KCNAB1: variants seen among roughly 807,000 people sequenced by gnomAD.
KCNAB1 encodes voltage-gated potassium channel subunit beta-1.
Under a neutral mutation model 64.6 loss-of-function variants are expected in KCNAB1, and 35 were observed. That is an observed-to-expected ratio of 0.54 (90% CI 0.41 to 0.72). KCNAB1 has a LOEUF of 0.72. Ranked by LOEUF, KCNAB1 falls within the 30% of genes least tolerant of loss-of-function variation. The probability of loss-of-function intolerance (pLI) is 0.00; values close to 1 mark genes in which losing one functional copy is unlikely to be tolerated. For synonymous variants in KCNAB1, 177 were observed against 183.8 expected (o/e 0.96, Z 0.30); for missense variants, 401 against 512.9 (o/e 0.78, Z 2.11).
chr3:156,364,171 T>C (rs1725798451), intron 1 of KCNAB1, among the ~76,000 whole-genome samples: 1 of 150,416 alleles, frequency 6.6e-6, no homozygotes, highest in African/African-American at 2.5e-5. Context: ...AGGTAATCTG[T>C]CCCATTCCTC....
chr3:156,143,453 C>T (rs752736190), intron 1 of KCNAB1: 1 of 1,405,552 alleles, frequency 7.1e-7, no homozygotes, highest in Non-Finnish European at 9.6e-7. Flanking sequence ...CCAACCAGGG[C>T]ACTGCACTGA....
At chr3:156,499,945 C>T (rs1716277860) in intron 8 of KCNAB1, among the ~76,000 whole-genome samples, 1 of 152,160 alleles carries the variant, frequency 6.6e-6, no homozygotes, top group Non-Finnish European at 1.5e-5. Context: ...CCAGCAGCCA[C>T]CCTGCTTTCT....
At chr3:156,492,709 C>G (rs777070174) in intron 8 of KCNAB1, among the ~76,000 whole-genome samples, 1 of 151,878 alleles carries the variant, frequency 6.6e-6, no homozygotes, top group African/African-American at 2.4e-5. Context: ...TGAACTTAAC[C>G]CAAAGTTGAG....
intron 1 of KCNAB1, among the ~76,000 whole-genome samples, chr3:156,331,012 C>T (rs1723294510): frequency 6.6e-6 from 1 of 152,102 alleles, no homozygotes. Flanking sequence ...TCCTTCTCAT[C>T]CTGAGCGTAG....
chr3:156,152,837 A>T (rs1458122269), intron 1 of KCNAB1, among the ~76,000 whole-genome samples: 3 of 152,232 alleles, frequency 2.0e-5, no homozygotes, highest in South Asian at 2.1e-4. Context: ...TCCAGAGATG[A>T]CCATTGTATA....
intron 8 of KCNAB1, among the ~76,000 whole-genome samples, chr3:156,513,959 C>A (rs1384804035): frequency 1.3e-5 from 2 of 152,194 alleles, no homozygotes; most frequent in East Asian, 1.9e-4. Context: ...CCTTCAATGA[C>A]CTTACATTCT....
At chr3:156,507,893 C>G in intron 8 of KCNAB1, among the ~76,000 whole-genome samples, 1 of 151,824 alleles carries the variant, frequency 6.6e-6, no homozygotes, top group East Asian at 1.9e-4. Context: ...TATTATGGGG[C>G]TCTAAAAATA....
At chr3:156,337,203 G>A (rs553178938) in intron 1 of KCNAB1, among the ~76,000 whole-genome samples, 1 of 152,206 alleles carries the variant, frequency 6.6e-6, no homozygotes, top group Non-Finnish European at 1.5e-5. Flanking sequence ...AGTGAGATAA[G>A]TTGGAAATAA....
rs3821422 is a variant in KCNAB1, at chr3:156,417,894, A to G, written c.276-3722A>G. The stretch of plus-strand genomic sequence containing the variant: ...ACAACCTTTGAGCTCTCAAGAAGCT[A>G]TATCCCTTCTCCACATAACTCTTTA... On this transcript the variant is annotated intron_variant, in intron 1 of 13. Transcript: ENST00000490337. Among the ~76,000 whole-genome samples the G allele has an allele frequency of 2.5e-3, 377 of 152,368 alleles. 9 individuals are homozygous for G. In the East Asian group the frequency reaches 0.038, roughly 15 times the overall value.
At chr3:156,211,360 A>T (rs1714991654) in intron 1 of KCNAB1, among the ~76,000 whole-genome samples, 1 of 152,238 alleles carries the variant, frequency 6.6e-6, no homozygotes, top group Non-Finnish European at 1.5e-5. Context: ...TGCAATGGTT[A>T]ATATTTGTAA....
intron 1 of KCNAB1, among the ~76,000 whole-genome samples, chr3:156,228,034 G>C (rs896774242): frequency 1.1e-4 from 17 of 152,176 alleles, no homozygotes; most frequent in African/African-American, 4.1e-4. Flanking sequence ...TTACCTTCTT[G>C]TTGCATACAT....
chr3:156,361,697 C>A (rs1725626359), intron 1 of KCNAB1, among the ~76,000 whole-genome samples: 1 of 152,076 alleles, frequency 6.6e-6, no homozygotes, highest in African/African-American at 2.4e-5. Flanking sequence ...TGGAGTGCAG[C>A]CTAAGCAACA....
intron 1 of KCNAB1, among the ~76,000 whole-genome samples, chr3:156,296,965 G>A (rs1182108977): frequency 6.6e-6 from 1 of 152,110 alleles, no homozygotes; most frequent in East Asian, 1.9e-4. Flanking sequence ...ATATGGTTTG[G>A]TACAATCCAT....
intron 1 of KCNAB1, among the ~76,000 whole-genome samples, chr3:156,126,870 A>G (rs190690187): frequency 2.0e-5 from 3 of 152,366 alleles, no homozygotes; most frequent in Non-Finnish European, 2.9e-5. Context: ...CAGTGGGCAC[A>G]TATAGTAGTA....
chr3:156,223,975 G>A (rs1715971969), intron 1 of KCNAB1, among the ~76,000 whole-genome samples: 2 of 152,248 alleles, frequency 1.3e-5, no homozygotes, highest in Non-Finnish European at 2.9e-5. Context: ...GCGCTCATCA[G>A]GGAGGCTCAG....
chr3:156,534,847 T>G (rs897605770), intron 13 of KCNAB1, among the ~76,000 whole-genome samples: 1 of 152,174 alleles, frequency 6.6e-6, no homozygotes, highest in South Asian at 2.1e-4. Flanking sequence ...TGTTTCAAAG[T>G]GGGGCTTCTC....
intron 1 of KCNAB1, among the ~76,000 whole-genome samples, chr3:156,254,654 A>G (rs560847087): frequency 9.8e-5 from 15 of 152,352 alleles, no homozygotes; most frequent in Non-Finnish European, 1.6e-4. Context: ...CTCACAGTAG[A>G]AAATGTGACC....
intron 1 of KCNAB1, among the ~76,000 whole-genome samples, chr3:156,236,278 T>C (rs530730262): frequency 5.1e-4 from 78 of 152,160 alleles, no homozygotes; most frequent in Non-Finnish European, 8.4e-4. Flanking sequence ...TCCTGCAAAG[T>C]TGCACCTCTG....
intron 2 of KCNAB1, among the ~76,000 whole-genome samples, chr3:156,442,177 GTT>G (rs1455492865): frequency 6.6e-6 from 1 of 152,120 alleles, no homozygotes; most frequent in Non-Finnish European, 1.5e-5. Flanking sequence ...ATTAATTTAA[GTT>G]ACTACATATC....
Sources: allele counts gnomAD v4.1 joint callset (sites outside exome capture counted in the v4.1 genomes callset), GRCh38; gene constraint gnomAD v4.1.1; transcripts MANE v1.5; gene names NCBI Gene and HGNC (gene_info 2026-07-23, HGNC 2026-07-21).